The following LRP1B variants were observed in gnomAD, a reference collection of about 807,000 sequenced individuals.
LRP1B encodes the protein LDL receptor related protein 1B, also known as low-density lipoprotein receptor-related protein 1B.
A neutral mutation model predicts 556.6 loss-of-function variants in LRP1B; 217 were observed. The ratio of observed to expected loss-of-function variants is 0.39; its 90% CI spans 0.35 to 0.44. The LOEUF is 0.44. LRP1B is among the 20% of genes least tolerant of loss of function. The pLI is 1.00. For missense variants in LRP1B, 5,053 were observed against 5,620.8 expected (o/e 0.90, Z 3.23); for synonymous variants, 2,047 against 1,865.8 (o/e 1.10, Z -2.50).
Position 140,565,592 on chromosome 2 carries a change from T to A in LRP1B, c.7195-23621A>T, listed in dbSNP as rs185132179. Among the ~76,000 whole-genome samples the A allele has an allele frequency of 2.6e-4, 39 of 152,300 alleles. No homozygotes were observed. The East Asian group carries it at 7.5e-3, about 29-fold the overall frequency. ...CAGTTTAAAATAAGTGGCAAGGGAT[T>A]CTGACATTAGCAAGATGTTTGATAA... On this transcript the variant is annotated intron_variant, in intron 43 of 90. Transcript: ENST00000389484.
chr2:141,059,977 C>G (rs1290100994), intron 8 of LRP1B, among the ~76,000 whole-genome samples: 1 of 151,810 alleles, frequency 6.6e-6, no homozygotes, highest in Non-Finnish European at 1.5e-5. Flanking sequence ...GCATCTGTCA[C>G]TACTTTCGGC....
intron 41 of LRP1B, among the ~76,000 whole-genome samples, chr2:140,626,701 T>TA (rs60712957): frequency 6.3e-4 from 89 of 142,252 alleles, no homozygotes; most frequent in Middle Eastern, 7.6e-3. Context: ...AGCTTCCATT[T>TA]AAAAAAAAAA....
intron 32 of LRP1B, among the ~76,000 whole-genome samples, chr2:140,801,998 T>C (rs965792822): frequency 1.3e-5 from 2 of 151,982 alleles, no homozygotes; most frequent in African/African-American, 4.8e-5. Context: ...GCCATACAAA[T>C]ACATTTGAGG....
intron 1 of LRP1B, among the ~76,000 whole-genome samples, chr2:141,871,654 G>C (rs1698590665): frequency 6.6e-6 from 1 of 151,960 alleles, no homozygotes; most frequent in South Asian, 2.1e-4. Context: ...AGTGTTGAAT[G>C]CTAAATTGTA....
intron 18 of LRP1B, among the ~76,000 whole-genome samples, chr2:140,957,411 A>T (rs1470267959): frequency 6.6e-6 from 1 of 151,642 alleles, no homozygotes; most frequent in Non-Finnish European, 1.5e-5. Context: ...CTTGCAAGAC[A>T]GAGTTGGAAA....
chr2:141,995,737 T>G (rs1702471841), intron 1 of LRP1B, among the ~76,000 whole-genome samples: 1 of 152,224 alleles, frequency 6.6e-6, no homozygotes, highest in South Asian at 2.1e-4. Context: ...CTATGGGATT[T>G]TAGCTTTTAT....
intron 3 of LRP1B, among the ~76,000 whole-genome samples, chr2:141,425,874 T>G (rs1252595674): frequency 6.6e-6 from 1 of 151,242 alleles, no homozygotes; most frequent in Non-Finnish European, 1.5e-5. Context: ...GTAGGTTGCC[T>G]GTTCACTCTG....
chr2:141,230,691 A>C (rs1343858847), intron 5 of LRP1B, among the ~76,000 whole-genome samples: 3 of 152,202 alleles, frequency 2.0e-5, no homozygotes. Flanking sequence ...TGAACAAGCC[A>C]GGGAAGCTGC....
intron 1 of LRP1B, among the ~76,000 whole-genome samples, chr2:141,881,597 T>C (rs1461885457): frequency 6.6e-6 from 1 of 152,014 alleles, no homozygotes; most frequent in Admixed American, 6.6e-5. Flanking sequence ...ATTCTTTGAT[T>C]AAAAACCAAG....
chr2:141,861,751 G>A (rs1017278044), intron 1 of LRP1B, among the ~76,000 whole-genome samples: 1 of 152,084 alleles, frequency 6.6e-6, no homozygotes, highest in African/African-American at 2.4e-5. Context: ...CCAACATGGT[G>A]AATCTCCATC....
At chr2:140,855,906 A>G (rs1184244424) in intron 27 of LRP1B, among the ~76,000 whole-genome samples, 1 of 152,124 alleles carries the variant, frequency 6.6e-6, no homozygotes, top group African/African-American at 2.4e-5. Context: ...GCATTTTTTT[A>G]TTTCATTTTC....
At chr2:141,682,383 T>C (rs1691136873) in intron 2 of LRP1B, among the ~76,000 whole-genome samples, 2 of 151,058 alleles carry the variant, frequency 1.3e-5, no homozygotes, top group Admixed American at 1.3e-4. Flanking sequence ...CACTAAGCAA[T>C]TGGTTTTATA....
At chr2:141,206,013 C>A (rs944264472) in intron 6 of LRP1B, among the ~76,000 whole-genome samples, 2 of 151,886 alleles carry the variant, frequency 1.3e-5, no homozygotes, top group African/African-American at 2.4e-5. Context: ...AATGAGGCAC[C>A]TTGGAGAAAA....
intron 6 of LRP1B, among the ~76,000 whole-genome samples, chr2:141,215,368 C>G (rs1007211185): frequency 7.2e-5 from 11 of 152,096 alleles, no homozygotes; most frequent in Admixed American, 5.9e-4. Flanking sequence ...TTCTTTGTAG[C>G]AACGCGAGAA....
chr2:141,879,262 T>C (rs915084773), intron 1 of LRP1B, among the ~76,000 whole-genome samples: 5 of 151,852 alleles, frequency 3.3e-5, no homozygotes, highest in African/African-American at 1.2e-4. Context: ...ATAACACATA[T>C]GATTCTGATA....
At chr2:140,739,888 A>G (rs1272055751) in intron 35 of LRP1B, among the ~76,000 whole-genome samples, 1 of 152,204 alleles carries the variant, frequency 6.6e-6, no homozygotes, top group Non-Finnish European at 1.5e-5. Context: ...TTCTCAAAAG[A>G]AGATATAAAA....
chr2:141,982,780 A>G (rs1354696557), intron 1 of LRP1B, among the ~76,000 whole-genome samples: 1 of 152,208 alleles, frequency 6.6e-6, no homozygotes, highest in African/African-American at 2.4e-5. Context: ...AGTCATTTCT[A>G]TGTATAAGAC....
At chr2:140,501,565 C>A in intron 55 of LRP1B, 122 bp downstream of exon 55, 1 of 566,264 alleles carries the variant, frequency 1.8e-6, no homozygotes, top group Non-Finnish European at 2.8e-6. Context: ...TCGACACTCT[C>A]CATTCAATTC....
chr2:140,844,721 A>G lies in LRP1B; in HGVS notation c.4940-3629T>C, dbSNP rs569835357. Among the ~76,000 whole-genome samples, 4 of 152,286 alleles carry G rather than the reference A, an allele frequency of 2.6e-5. No individual in the cohort carries two copies. The South Asian group carries it at 8.3e-4, about 32-fold the overall frequency. On this transcript the variant is annotated intron_variant, in intron 29 of 90. Transcript: ENST00000389484. ...TTTCTTGAACTAAGACTAATCATGA[A>G]GTATAATCTGAAAAGTCCTTTATTG...
Sources: gnomAD v4.1 joint callset for allele counts (sites outside exome capture counted in the v4.1 genomes callset) on GRCh38, gnomAD v4.1.1 for gene constraint, MANE v1.5 for transcripts, NCBI Gene and HGNC (gene_info 2026-07-23, HGNC 2026-07-21) for gene names.